Variants in MRRF observed in about 807,000 individuals in gnomAD.
The protein encoded by MRRF is mitochondrial ribosome recycling factor.
A neutral mutation model predicts 25.1 loss-of-function variants in MRRF; 18 were observed. That is an observed-to-expected ratio of 0.72 (90% CI 0.50 to 1.06). The LOEUF (loss-of-function observed/expected upper bound fraction) is 1.06. MRRF is among the 50% of genes least tolerant of loss of function. The pLI is 0.00. For synonymous variants in MRRF, 113 were observed against 112.1 expected (o/e 1.01, Z -0.05); for missense variants, 323 against 319.3 (o/e 1.01, Z -0.09).
intron 5 of MRRF, among the ~76,000 whole-genome samples, chr9:122,307,027 T>C (rs189799807): frequency 6.6e-6 from 1 of 152,266 alleles, no homozygotes; most frequent in Admixed American, 6.5e-5. Flanking sequence ...TCTAATGTCT[T>C]TATGAGACAT....
chr9:122,286,380 C>T (rs568095975), intron 4 of MRRF, among the ~76,000 whole-genome samples: 2 of 152,300 alleles, frequency 1.3e-5, no homozygotes, highest in East Asian at 1.9e-4. Flanking sequence ...CTACTCCATT[C>T]TCCATACTAT....
intron 5 of MRRF, among the ~76,000 whole-genome samples, chr9:122,312,085 G>A (rs1835238080): frequency 6.6e-6 from 1 of 152,186 alleles, no homozygotes; most frequent in African/African-American, 2.4e-5. Flanking sequence ...CTTTCTGCCT[G>A]GAAGCAGAAG....
In MRRF at chr9:122,329,344, AAACTTACCTAGTCTT is replaced by A. The variant is rs1836222517; in HGVS notation, c.*6729_*6743del. ...TAAACCACTTCCCCACCAGCAGGCAAAACTTACCTAGTCTTATAAGCCCTTCTTGGTCCCATGTTC... is the reference window on the plus strand; with the variant it reads ...TAAACCACTTCCCCACCAGCAGGCAAATAAGCCCTTCTTGGTCCCATGTTC... On this transcript the variant is annotated 3_prime_UTR_variant, in exon 7 of 7. Coordinates refer to ENST00000344641, the MANE Select transcript of MRRF (RefSeq NM_138777.5). 1 of 152,290 alleles carries A rather than the reference AAACTTACCTAGTCTT, an allele frequency of 6.6e-6. No homozygotes were observed. The highest frequency in any genetic ancestry group is 2.4e-5 in the African/African-American group (1 of 41,546). 9.4% of individuals were successfully genotyped at this position (152,290 alleles called of 1,614,324 possible).
rs1432094531 is a variant in MRRF, at chr9:122,323,243, G to C, written c.*626G>C. The stretch of plus-strand genomic sequence containing the variant: ...CCAGTCCTGTTTATCATCAGGCCTT[G>C]TCTTGGATATCACGTCCTCTGGGAA... On this transcript the variant is annotated 3_prime_UTR_variant, in exon 7 of 7. Transcript: ENST00000344641. 13 of 157,914 alleles carry C rather than the reference G, an allele frequency of 8.2e-5. No individual in the cohort carries two copies. The highest frequency in any genetic ancestry group is 6.8e-3 in the Middle Eastern group (2 of 296). 9.8% of individuals were successfully genotyped at this position (157,914 alleles called of 1,614,324 possible).
chr9:122,318,541 G>A (rs937349198), intron 6 of MRRF, among the ~76,000 whole-genome samples: 2 of 152,252 alleles, frequency 1.3e-5, no homozygotes, highest in Non-Finnish European at 2.9e-5. Context: ...AAGGCAGCGG[G>A]TGTTTTGAGC....
intron 5 of MRRF, among the ~76,000 whole-genome samples, chr9:122,304,704 G>C: frequency 6.6e-6 from 1 of 152,088 alleles, no homozygotes; most frequent in Non-Finnish European, 1.5e-5. Context: ...TACTGCTCTT[G>C]GACGTGTTGG....
intron 3 of MRRF, 64 bp from the exon 4 acceptor site, chr9:122,285,105 A>G (rs750475810): frequency 3.0e-6 from 3 of 996,348 alleles, no homozygotes; most frequent in Non-Finnish European, 4.8e-6. Context: ...TGAATTAGAT[A>G]GGACTTAGAT....
At chr9:122,269,026 C>T (rs1044986759) in intron 1 of MRRF, among the ~76,000 whole-genome samples, 36 of 151,886 alleles carry the variant, frequency 2.4e-4, no homozygotes, top group African/African-American at 8.5e-4. Context: ...ATTAGCCGGG[C>T]GTGGTGGCAG....
At position 122,284,741 on chromosome 9, in the gene MRRF, A is replaced by G. The variant is rs552856605; in HGVS notation, c.341-428A>G. 2.0e-4 allele frequency among the ~76,000 whole-genome samples: 31 copies of G among 152,016 alleles called. 1 individual carries two copies. Among genetic ancestry groups the G allele is most frequent in the Non-Finnish European group, 4.1e-4 (28 of 67,994 alleles). The stretch of plus-strand genomic sequence containing the variant: ...CTGTTCCTGTGAAAGCCCCTTGTAC[A>G]CTCTTGTCACATTGATAAGAATCCC... On this transcript the variant is annotated intron_variant, in intron 3 of 6. Transcript: ENST00000344641.
chr9:122,313,204 G>C lies in MRRF; in HGVS notation c.552-23G>C, dbSNP rs115742525. 7.6e-4 allele frequency: 1,225 copies of C among 1,611,956 alleles called. 7 individuals are homozygous for C. In the African/African-American group the frequency reaches 0.015, roughly 19 times the overall value. On this transcript the variant is annotated intron_variant, in intron 5 of 6. Transcript: ENST00000344641. ...AGTTAATGTATAGAATGATTTTGTT[G>C]AATGTCTTTTGTCTTTTATCAGAGT...
intron 1 of MRRF, among the ~76,000 whole-genome samples, chr9:122,270,308 A>G (rs889377537): frequency 1.3e-5 from 2 of 152,236 alleles, no homozygotes; most frequent in African/African-American, 2.4e-5. Flanking sequence ...CTAGTTCTAT[A>G]CCATGGAAGA....
At chr9:122,322,089 G>A (rs139816836) in intron 6 of MRRF, among the ~76,000 whole-genome samples, 2,562 of 152,182 alleles carry the variant, frequency 0.017, 61 homozygotes, top group African/African-American at 0.057. Flanking sequence ...GGCCTGGTGC[G>A]GTGGCTCACG....
At chr9:122,311,747 A>G (rs1352721715) in intron 5 of MRRF, among the ~76,000 whole-genome samples, 1 of 152,204 alleles carries the variant, frequency 6.6e-6, no homozygotes, top group Admixed American at 6.5e-5. Context: ...ATTATGTGAA[A>G]TGCAATATTG....
chr9:122,319,134 T>A (rs968971953), intron 6 of MRRF, among the ~76,000 whole-genome samples: 7 of 146,630 alleles, frequency 4.8e-5, no homozygotes, highest in Admixed American at 2.0e-4. Flanking sequence ...CCACTGAACT[T>A]CTTTCTTTCT....
chr9:122,287,482 C>A (rs1833485347), intron 4 of MRRF, among the ~76,000 whole-genome samples: 1 of 152,198 alleles, frequency 6.6e-6, no homozygotes, highest in Admixed American at 6.5e-5. Flanking sequence ...TTCATCTAAT[C>A]CCGTAGGCAC....
chr9:122,312,701 A>G (rs1835280212), intron 5 of MRRF, among the ~76,000 whole-genome samples: 1 of 152,112 alleles, frequency 6.6e-6, no homozygotes, highest in Non-Finnish European at 1.5e-5. Context: ...TTTGGGCCTC[A>G]TTTTCTTCAT....
chr9:122,270,677 T>TA (rs1487973873), intron 1 of MRRF, 187 bp from the exon 2 acceptor site: 2 of 561,740 alleles, frequency 3.6e-6, no homozygotes, highest in Non-Finnish European at 6.4e-6. Flanking sequence ...CTTCATTCTG[T>TA]AAAATGAGGC....
Position 122,321,783 on chromosome 9 carries a change from ATTC to A in MRRF, c.712-751_712-749del, listed in dbSNP as rs902604792. 4.0e-5 allele frequency among the ~76,000 whole-genome samples: 6 copies of A among 150,376 alleles called. No individual in the cohort carries two copies. The South Asian group carries it at 8.4e-4, about 21-fold the overall frequency. ...TTCACTTAACTATTGGGATCTTAATATTCTTCTTATCAATTTGTATGAGGGCTT... is the reference window on the plus strand; with the variant it reads ...TTCACTTAACTATTGGGATCTTAATATTCTTATCAATTTGTATGAGGGCTT... On this transcript the variant is annotated intron_variant, in intron 6 of 6. Coordinates refer to ENST00000344641, the MANE Select transcript of MRRF (RefSeq NM_138777.5).
At chr9:122,298,511 C>G (rs1834230870) in intron 5 of MRRF, among the ~76,000 whole-genome samples, 1 of 152,148 alleles carries the variant, frequency 6.6e-6, no homozygotes, top group Admixed American at 6.5e-5. Flanking sequence ...TTCAGTCACC[C>G]CAAAAAGTTA....
Sources: allele counts gnomAD v4.1 joint callset (sites outside exome capture counted in the v4.1 genomes callset), GRCh38; gene constraint gnomAD v4.1.1; transcripts MANE v1.5; gene names NCBI Gene and HGNC (gene_info 2026-07-23, HGNC 2026-07-21).